The following SKI variants were observed in gnomAD, a reference collection of about 807,000 sequenced individuals.
SKI encodes the protein SKI proto-oncogene, also known as ski oncogene.
A neutral mutation model predicts 59.3 loss-of-function variants in SKI; 23 were observed. The observed-to-expected ratio is 0.39, with a 90% CI of 0.28 to 0.55. The LOEUF is 0.55. Ranked by LOEUF, SKI falls within the 20% of genes least tolerant of loss-of-function variation. The probability of loss-of-function intolerance (pLI) is 0.67; values close to 1 mark genes in which losing one functional copy is unlikely to be tolerated. For missense variants in SKI, 1,017 were observed against 1,038.9 expected (o/e 0.98, Z 0.29); for synonymous variants, 673 against 488.6 (o/e 1.38, Z -4.98).
intron 1 of SKI, among the ~76,000 whole-genome samples, chr1:2,287,485 C>T (rs796207673): frequency 1.8e-4 from 27 of 151,822 alleles, no homozygotes; most frequent in East Asian, 7.8e-4. Flanking sequence ...TACAGGTGCC[C>T]GCCACCACGC....
chr1:2,241,115 G>A (rs751879385), intron 1 of SKI, among the ~76,000 whole-genome samples: 5 of 152,210 alleles, frequency 3.3e-5, no homozygotes, highest in South Asian at 2.1e-4. Flanking sequence ...GGGGCCCTGC[G>A]GGCTCCATCA....
rs527794396 is a variant in SKI at position 2,267,594 on chromosome 1, G to T, written c.970-35384G>T. ...GGAGTGGGGCATTAGGGGCCACGTG[G>T]TCAGCACTGCACTCTGCTCTCATCG... On this transcript the variant is annotated intron_variant, in intron 1 of 6. Transcript: ENST00000378536. This position sits in a 1 kb window ranked among gnomAD's most constrained non-coding sequence, Gnocchi z 4.1. Among the ~76,000 whole-genome samples, 4 of 152,292 alleles carry T rather than the reference G, an allele frequency of 2.6e-5. No individual in the cohort carries two copies. The East Asian group carries it at 5.8e-4, about 22-fold the overall frequency.
In SKI at chr1:2,304,382, C is replaced by A. The variant is rs774937962; in HGVS notation, c.1564C>A (p.Pro522Thr). 6.4e-7 allele frequency: 1 copy of A among 1,551,922 alleles called. No individual in the cohort carries two copies. Among genetic ancestry groups the A allele is most frequent in the South Asian group, 1.2e-5 (1 of 84,162 alleles). The stretch of plus-strand genomic sequence containing the variant: ...GGGCTCCCCGGGTGCGCGTGCCCTG[C>A]CCTCGGCCGTCCCTGATGCTGCGGC... ...DLGSPGARAL[P>T]SAVPDAAAPA... The change falls in exon 5 of 7, where the codon CCC becomes ACC. Residue 522 changes from proline (P) to threonine (T), a missense_variant. Coordinates refer to ENST00000378536, the MANE Select transcript of SKI (RefSeq NM_003036.4).
At chr1:2,239,743 G>C (rs1377519471) in intron 1 of SKI, among the ~76,000 whole-genome samples, 1 of 152,256 alleles carries the variant, frequency 6.6e-6, no homozygotes, top group Non-Finnish European at 1.5e-5. Flanking sequence ...CTGGCCAACG[G>C]GAGGCTTCTC....
At chr1:2,242,575 A>G (rs997065821) in intron 1 of SKI, among the ~76,000 whole-genome samples, 4 of 152,306 alleles carry the variant, frequency 2.6e-5, no homozygotes, top group Admixed American at 2.6e-4. Context: ...GTTGGAGTGC[A>G]GTGGTGTGAT....
At chr1:2,298,252 G>A (rs1011838289) in intron 1 of SKI, among the ~76,000 whole-genome samples, 16 of 152,182 alleles carry the variant, frequency 1.1e-4, no homozygotes, top group African/African-American at 3.4e-4. Flanking sequence ...CTGGGGTCCC[G>A]GGGTGACTGA....
chr1:2,274,774 C>T (rs1193897441), intron 1 of SKI, among the ~76,000 whole-genome samples: 1 of 152,180 alleles, frequency 6.6e-6, no homozygotes, highest in Non-Finnish European at 1.5e-5. Flanking sequence ...TGATGGGGGG[C>T]AGGGACCCCA....
In SKI at chr1:2,267,072, G is replaced by A. The variant is rs1057304097; in HGVS notation, c.970-35906G>A. Among the ~76,000 whole-genome samples the A allele has an allele frequency of 3.9e-5, 6 of 152,102 alleles. No homozygotes were observed. Among genetic ancestry groups the A allele is most frequent in the Non-Finnish European group, 5.9e-5 (4 of 68,024 alleles). ...CAATAATTTTGGCTACATTAAATTC[G>A]TTTTGTTAACATCTTCATCACCGCC... On this transcript the variant is annotated intron_variant, in intron 1 of 6. Transcript: ENST00000378536. The surrounding 1 kb of genome is among the most constrained non-coding windows in gnomAD (Gnocchi z 4.1).
At chr1:2,263,450 CAG>C (rs1639430568) in intron 1 of SKI, among the ~76,000 whole-genome samples, 1 of 147,808 alleles carries the variant, frequency 6.8e-6, no homozygotes. Context: ...GTTGGCCAGG[CAG>C]TCTTGAACTT....
intron 1 of SKI, among the ~76,000 whole-genome samples, chr1:2,259,958 G>A (rs141427213): frequency 1.2e-3 from 182 of 152,336 alleles, no homozygotes; most frequent in Middle Eastern, 0.01. Flanking sequence ...CTGTCACAAA[G>A]AAAGCGGCTG....
chr1:2,302,154 C>T (rs552049092), intron 1 of SKI, among the ~76,000 whole-genome samples: 1 of 152,300 alleles, frequency 6.6e-6, no homozygotes. Flanking sequence ...TGTGCCTCAG[C>T]ACCTGACACA....
chr1:2,303,556 G>T lies in SKI; in HGVS notation c.1211+156G>T. On this transcript the variant is annotated intron_variant, in intron 3 of 6. Coordinates refer to ENST00000378536, the MANE Select transcript of SKI (RefSeq NM_003036.4). This position sits in a 1 kb window ranked among gnomAD's most constrained non-coding sequence, Gnocchi z 5.6. ...TGTTGGTTCCTTTGGCTGGCATCAG[G>T]GAGAGCACACCTAGAGCGTTCCCTG... The T allele has an allele frequency of 1.4e-6, 1 of 729,620 alleles. No individual in the cohort carries two copies. Among genetic ancestry groups the T allele is most frequent in the Non-Finnish European group, 2.3e-6 (1 of 441,664 alleles). 45.2% of individuals were successfully genotyped at this position (729,620 alleles called of 1,614,324 possible).
intron 1 of SKI, among the ~76,000 whole-genome samples, chr1:2,261,667 A>G (rs1478503150): frequency 2.0e-5 from 3 of 152,232 alleles, no homozygotes; most frequent in Non-Finnish European, 4.4e-5. Flanking sequence ...TTCTGTGTAG[A>G]TGATCATGTC....
At position 2,270,013 on chromosome 1, in the gene SKI, G is replaced by A. The variant is rs1370609549; in HGVS notation, c.970-32965G>A. Reference sequence around the variant, plus strand: ...GGGTCTGGTGGTGCCTGTGGCTGGCGTGGGTCTGGCGGGTCTGGCATGTTT... The same window carrying A: ...GGGTCTGGTGGTGCCTGTGGCTGGCATGGGTCTGGCGGGTCTGGCATGTTT... On this transcript the variant is annotated intron_variant, in intron 1 of 6. Coordinates refer to ENST00000378536, the MANE Select transcript of SKI (RefSeq NM_003036.4). The surrounding 1 kb of genome is among the most constrained non-coding windows in gnomAD (Gnocchi z 4.1). Among the ~76,000 whole-genome samples the A allele has an allele frequency of 2.6e-5, 4 of 151,484 alleles. No individual in the cohort carries two copies. Among genetic ancestry groups the A allele is most frequent in the African/African-American group, 7.3e-5 (3 of 41,178 alleles).
At chr1:2,250,132 C>T (rs764665410) in intron 1 of SKI, among the ~76,000 whole-genome samples, 2 of 152,194 alleles carry the variant, frequency 1.3e-5, no homozygotes, top group African/African-American at 4.8e-5. Context: ...TCTCGAACTC[C>T]TGACCTCAAG....
At chr1:2,305,435 C>T (rs955392958) in intron 5 of SKI, among the ~76,000 whole-genome samples, 4 of 152,268 alleles carry the variant, frequency 2.6e-5, no homozygotes, top group Admixed American at 2.0e-4. Context: ...GACGTGCCCT[C>T]CTGCGCGTGC....
At chr1:2,233,263 G>C (rs1638682141) in intron 1 of SKI, among the ~76,000 whole-genome samples, 1 of 147,936 alleles carries the variant, frequency 6.8e-6, no homozygotes, top group South Asian at 2.2e-4. Flanking sequence ...AGAGGTCCGG[G>C]ATCCTGTTCT....
chr1:2,304,144 TG>T (rs1294235046), intron 4 of SKI, 42 bp downstream of exon 4: 2 of 1,607,796 alleles, frequency 1.2e-6, no homozygotes, highest in Middle Eastern at 1.8e-4. Flanking sequence ...CTGTGGGCTG[TG>T]GGGGTGGCAC....
chr1:2,286,719 T>C (rs1349696721), intron 1 of SKI, among the ~76,000 whole-genome samples: 1 of 152,152 alleles, frequency 6.6e-6, no homozygotes, highest in Non-Finnish European at 1.5e-5. Context: ...AGACTGCGTG[T>C]GGGGGCTGTG....
Sources: gnomAD v4.1 joint callset for allele counts (sites outside exome capture counted in the v4.1 genomes callset) on GRCh38, gnomAD v4.1.1 for gene constraint, Gnocchi (gnomAD v3.1) non-coding constraint, MANE v1.5 for transcripts, NCBI Gene and HGNC (gene_info 2026-07-23, HGNC 2026-07-21) for gene names.